CDRT15: variants seen among roughly 807,000 people sequenced by gnomAD.
CDRT15 encodes CMT1A duplicated region transcript 15, also known as CMT1A duplicated region transcript 15 protein.
In CDRT15, 9 loss-of-function variants were observed where a neutral mutation model predicts 14.9. The ratio of observed to expected loss-of-function variants is 0.60; its 90% confidence interval spans 0.36 to 1.06. The LOEUF (loss-of-function observed/expected upper bound fraction) is 1.06, where lower values mean the gene tolerates loss of function less well. CDRT15 is among the 50% of genes least tolerant of loss of function. CDRT15 has a pLI of 0.01. For missense variants in CDRT15, 117 were observed against 235.3 expected, an observed-to-expected ratio of 0.50 and a Z score of 3.29; for synonymous variants, 50 against 96.6, an observed-to-expected ratio of 0.52 and a Z score of 2.83.
In CDRT15 at chr17:14,236,806, TC is replaced by T. The variant is rs1907418038; in HGVS notation, c.27del (p.Arg10GlufsTer32). 2 of 1,611,336 alleles carry T rather than the reference TC, an allele frequency of 1.2e-6. No individual in the cohort carries two copies. The highest frequency in any genetic ancestry group is 1.7e-6 in the Non-Finnish European group (2 of 1,179,504). Reference protein sequence around the residue: MFSCCFPTSRGCCFRNGGS... With the variant: MFSCCFPTXRGCCFRNGGS... ...CCTCCATTCCTGAAGCAGCAACCTC[TC>T]GAAGTGGGGAAGCAACACGAGAACA... On this transcript the variant is annotated frameshift_variant, in exon 1 of 3. Coordinates refer to ENST00000420162, the MANE Select transcript of CDRT15 (RefSeq NM_001007530.3). LOFTEE classifies it high-confidence loss of function.
Position 14,235,972 on chromosome 17 carries a change from C to T in CDRT15, c.451G>A (p.Val151Ile). ...CTGGGAGCAGGCGTAGCTGCTGGAACTCTTCTTCCCAGCCTTCTTTTAATG... is the reference window on the plus strand; with the variant it reads ...CTGGGAGCAGGCGTAGCTGCTGGAATTCTTCTTCCCAGCCTTCTTTTAATG... Reference protein sequence around the residue: ...ESIKRRLGRRVPAATPAPRGN... With the variant: ...ESIKRRLGRRIPAATPAPRGN... Residue 151 changes from valine (V) to isoleucine (I), a missense_variant, in exon 3 of 3, where the codon GTT becomes ATT. Physicochemically the swap from Val to Ile is conservative, Grantham distance 29. This residue lies in a region of CDRT15 where 61 missense variants were observed against 138.2 expected (regional missense o/e 0.44). Coordinates refer to ENST00000420162, the MANE Select transcript of CDRT15 (RefSeq NM_001007530.3). 6.2e-7 allele frequency: 1 copy of T among 1,610,804 alleles called. No homozygotes were observed.
In CDRT15 at chr17:14,236,128, C is replaced by T. The variant is rs974161236; in HGVS notation, c.412-117G>A. 4.0e-6 allele frequency: 6 copies of T among 1,494,022 alleles called. No individual in the cohort carries two copies. In the African/African-American group the frequency reaches 6.8e-5, roughly 17 times the overall value. The allele number at this position is 1,494,022 out of a possible 1,614,324, so 92.5% of individuals were successfully genotyped here. ...AGGTACAGGAGGCCAGGCCAAATGC[C>T]CTGCTCTCTGCCTGCATGTTTGCCA... On this transcript the variant is annotated intron_variant, in intron 2 of 2. Transcript: ENST00000420162.
At chr17:14,236,154 C>T (rs1473143478) in intron 2 of CDRT15, 128 bp downstream of exon 2, 2 of 1,506,444 alleles carry the variant, frequency 1.3e-6, no homozygotes, top group African/African-American at 1.4e-5. Context: ...ATGTTTGCCA[C>T]CGTGCCCAGG....
chr17:14,236,720 C>A lies in CDRT15; in HGVS notation c.114G>T (p.Ser38=), dbSNP rs755067079. 7 of 1,611,886 alleles carry A rather than the reference C, an allele frequency of 4.3e-6. No homozygotes were observed. Among genetic ancestry groups the A allele is most frequent in the Non-Finnish European group, 5.1e-6 (6 of 1,179,740 alleles). The change falls in exon 1 of 3, where the codon TCG becomes TCT. Residue 38 remains serine (S), a synonymous_variant. Transcript: ENST00000420162. Reference sequence around the variant, plus strand: ...CCTGGATGCGCCTTATTACAACGGGCGACAGGCGTCTGGGGTGAGGGATGA... The same window carrying A: ...CCTGGATGCGCCTTATTACAACGGGAGACAGGCGTCTGGGGTGAGGGATGA... ...RRLIPHPRRL[S]PVVIRRIQVP...
At chr17:14,236,131 GCT>G (rs1338251154) in intron 2 of CDRT15, 120 bp from the exon 3 acceptor site, 13 of 1,494,246 alleles carry the variant, frequency 8.7e-6, no homozygotes, top group African/African-American at 1.4e-5. Flanking sequence ...CAAATGCCCT[GCT>G]CTCTGCCTGC....
In CDRT15 at chr17:14,236,624, C is replaced by G; in HGVS notation, c.210G>C (p.Leu70=). The part of the protein sequence containing the change: ...ATPEIPLGLQ[L]HTVLVQEIQE... ...GAATCTCCTGGACAAGGACAGTGTGCAGCTGCAGCCCCAATGGGATCTCTG... is the reference window on the plus strand; with the variant it reads ...GAATCTCCTGGACAAGGACAGTGTGGAGCTGCAGCCCCAATGGGATCTCTG... Residue 70 remains leucine (L), a synonymous_variant, in exon 1 of 3, where the codon CTG becomes CTC. Coordinates refer to ENST00000420162, the MANE Select transcript of CDRT15 (RefSeq NM_001007530.3). The G allele has an allele frequency of 1.3e-6, 2 of 1,561,658 alleles. No individual in the cohort carries two copies. Among genetic ancestry groups the G allele is most frequent in the African/African-American group, 2.7e-5 (2 of 73,720 alleles).
chr17:14,236,751 C>A lies in CDRT15; in HGVS notation c.83G>T (p.Arg28Ile). The A allele has an allele frequency of 6.2e-7, 1 of 1,612,082 alleles. No individual in the cohort carries two copies. Among genetic ancestry groups the A allele is most frequent in the Admixed American group, 1.7e-5 (1 of 59,998 alleles). Residue 28 changes from arginine to isoleucine, a missense_variant, in exon 1 of 3, where the codon AGA (arginine) becomes ATA (isoleucine). By Grantham distance (97) the Arg-to-Ile change is moderately conservative. Around this residue, in one of 3 missense-constraint regions of CDRT15, gnomAD observed 50 missense variants for 48.8 expected, o/e 1.03. Transcript: ENST00000420162. The part of the protein sequence containing the change: ...GSESLFRRCR[R>I]RLIPHPRRLS... ...GCGTCTGGGGTGAGGGATGAGCCTT[C>A]TTCGGCATCGTCGGAAAAGGCTCTC...
In CDRT15 at chr17:14,236,840, C is replaced by T; in HGVS notation, c.-7G>A. 1.2e-6 allele frequency: 2 copies of T among 1,602,558 alleles called. No homozygotes were observed. The highest frequency in any genetic ancestry group is 1.7e-6 in the Non-Finnish European group (2 of 1,174,816). On this transcript the variant is annotated 5_prime_UTR_variant, in exon 1 of 3. Coordinates refer to ENST00000420162, the MANE Select transcript of CDRT15 (RefSeq NM_001007530.3). ...GGAAGCAACACGAGAACATCTTGCT[C>T]TCTTGAGCGACTCCCACCAAGTGAG...
Position 14,236,808 on chromosome 17 carries a change from G to C in CDRT15, c.26C>G (p.Ser9Trp), listed in dbSNP as rs750187185. ...TCCATTCCTGAAGCAGCAACCTCTCGAAGTGGGGAAGCAACACGAGAACAT... is the reference window on the plus strand; with the variant it reads ...TCCATTCCTGAAGCAGCAACCTCTCCAAGTGGGGAAGCAACACGAGAACAT... The part of the protein sequence containing the change: MFSCCFPT[S>W]RGCCFRNGGS... Residue 9 changes from serine (S) to tryptophan (W), a missense_variant, in exon 1 of 3, where the codon TCG (serine) becomes TGG (tryptophan). This residue lies in a region of CDRT15 where 50 missense variants were observed against 48.8 expected (regional missense o/e 1.03). Transcript: ENST00000420162. 1 of 1,611,318 alleles carries C rather than the reference G, an allele frequency of 6.2e-7. No individual in the cohort carries two copies. The highest frequency in any genetic ancestry group is 1.1e-5 in the South Asian group (1 of 90,888).
intron 2 of CDRT15, 71 bp downstream of exon 2, chr17:14,236,211 C>T (rs1384914327): frequency 6.3e-7 from 1 of 1,588,246 alleles, no homozygotes; most frequent in South Asian, 1.2e-5. Flanking sequence ...GCTGGTCACC[C>T]CCTCCCTCCC....
At position 14,235,939 on chromosome 17, in the gene CDRT15, G is replaced by T. The variant is rs140304819; in HGVS notation, c.484C>A (p.Leu162Ile). The T allele has an allele frequency of 3.7e-4, 587 of 1,602,272 alleles. 1 individual carries two copies. In the African/African-American group the frequency reaches 6.9e-3, roughly 19 times the overall value. ...ACCCGCATCCATGCCTGGAGGAGGA[G>T]GTTGCCTCTGGGAGCAGGCGTAGCT... is the stretch of plus-strand genomic sequence containing the variant. Reference protein sequence around the residue: ...PAATPAPRGNLLLQAWMRVHS... With the variant: ...PAATPAPRGNILLQAWMRVHS... The change falls in exon 3 of 3, where the codon CTC (leucine) becomes ATC (isoleucine). Residue 162 changes from leucine (L) to isoleucine (I), a missense_variant. Leu to Ile is a conservative substitution (Grantham distance 5). Transcript: ENST00000420162.
In CDRT15 at chr17:14,236,588, A is replaced by G; in HGVS notation, c.246T>C (p.Ile82=). ...TVLVQEIQEL[I]EAQTLAPGPC... ...CCACCTCACCAAGTGTCTGTGCCTCAATGAGCTCCTGAATCTCCTGGACAA... is the reference window on the plus strand; with the variant it reads ...CCACCTCACCAAGTGTCTGTGCCTCGATGAGCTCCTGAATCTCCTGGACAA... The change falls in exon 1 of 3, where the codon ATT becomes ATC. Residue 82 remains isoleucine (I), a synonymous_variant. Coordinates refer to ENST00000420162, the MANE Select transcript of CDRT15 (RefSeq NM_001007530.3). The G allele has an allele frequency of 6.6e-7, 1 of 1,509,232 alleles. No individual in the cohort carries two copies. 93.5% of individuals were successfully genotyped at this position (1,509,232 alleles called of 1,614,324 possible).
At chr17:14,236,545 A>T (rs1482049406) in intron 1 of CDRT15, 27 bp downstream of exon 1, 1 of 1,569,308 alleles carries the variant, frequency 6.4e-7, no homozygotes, top group Admixed American at 1.9e-5. Flanking sequence ...GCCCCCGCAA[A>T]GTCTTCCAGG....
rs750107455 is a variant in CDRT15, at chr17:14,236,320, C to T, written c.373G>A (p.Ala125Thr). The T allele has an allele frequency of 2.5e-6, 4 of 1,612,080 alleles. No individual in the cohort carries two copies. In the Admixed American group the frequency reaches 6.7e-5, roughly 27 times the overall value. Residue 125 changes from alanine (A) to threonine (T), a missense_variant, in exon 2 of 3, where the codon GCC becomes ACC. Ala to Thr is a moderately conservative substitution (Grantham distance 58, BLOSUM62 0). Coordinates refer to ENST00000420162, the MANE Select transcript of CDRT15 (RefSeq NM_001007530.3). ...ERALELEGAP[A>T]KDQTNEELPE... is the part of the protein sequence containing the mutation. ...AGCTCCTCGTTGGTCTGGTCCTTGG[C>T]TGGAGCTCCCTCCAGCTCCAGTGCT...
intron 2 of CDRT15, 93 bp from the exon 3 acceptor site, chr17:14,236,104 G>A (rs1226828452): frequency 2.4e-5 from 36 of 1,487,766 alleles, no homozygotes; most frequent in Non-Finnish European, 1.3e-5. Flanking sequence ...TCTCCAGCGA[G>A]GTACAGGAGG....
Position 14,236,732 on chromosome 17 carries a change from G to A in CDRT15, c.102C>T (p.Pro34=). ...TTATTACAACGGGCGACAGGCGTCT[G>A]GGGTGAGGGATGAGCCTTCTTCGGC... is the stretch of plus-strand genomic sequence containing the variant. ...RRCRRRLIPH[P]RRLSPVVIRR... is the part of the protein sequence containing the mutation. The change falls in exon 1 of 3, where the codon CCC becomes CCT. Residue 34 remains proline, a synonymous_variant. Coordinates refer to ENST00000420162, the MANE Select transcript of CDRT15 (RefSeq NM_001007530.3). 1.2e-6 allele frequency: 2 copies of A among 1,612,038 alleles called. No homozygotes were observed. Among genetic ancestry groups the A allele is most frequent in the Non-Finnish European group, 1.7e-6 (2 of 1,179,772 alleles).
intron 2 of CDRT15, 123 bp from the exon 3 acceptor site, chr17:14,236,134 C>T (rs1907377150): frequency 1.3e-6 from 2 of 1,498,782 alleles, no homozygotes; most frequent in Non-Finnish European, 1.8e-6. Context: ...ATGCCCTGCT[C>T]TCTGCCTGCA....
At chr17:14,236,481 C>G (rs765861341) in intron 1 of CDRT15, 51 bp from the exon 2 acceptor site, 10 of 1,533,978 alleles carry the variant, frequency 6.5e-6, no homozygotes, top group Non-Finnish European at 8.8e-6. Context: ...ACTGGAATTT[C>G]CAAACACAGA....
chr17:14,236,830 A>G lies in CDRT15; in HGVS notation c.4T>C (p.Phe2Leu). 6.2e-7 allele frequency: 1 copy of G among 1,608,740 alleles called. No individual in the cohort carries two copies. Among genetic ancestry groups the G allele is most frequent in the Non-Finnish European group, 8.5e-7 (1 of 1,178,040 alleles). The change falls in exon 1 of 3, where the codon TTC becomes CTC. Residue 2 changes from phenylalanine to leucine, a missense_variant. Around this residue, in one of 3 missense-constraint regions of CDRT15, gnomAD observed 50 missense variants for 48.8 expected, o/e 1.03. Coordinates refer to ENST00000420162, the MANE Select transcript of CDRT15 (RefSeq NM_001007530.3). M[F>L]SCCFPTSRGC... ...CTCGAAGTGGGGAAGCAACACGAGA[A>G]CATCTTGCTCTCTTGAGCGACTCCC...
Sources: allele counts gnomAD v4.1 joint callset, GRCh38; gene constraint gnomAD v4.1.1; regional missense constraint gnomAD v4.1.1; transcripts MANE v1.5; gene names NCBI Gene and HGNC (gene_info 2026-07-23, HGNC 2026-07-21).